Variants in MSRB3 observed in about 807,000 individuals in gnomAD.
MSRB3 encodes methionine sulfoxide reductase B3.
A neutral mutation model predicts 21.0 loss-of-function variants in MSRB3; 13 were observed. That is an observed-to-expected ratio of 0.62 (90% confidence interval 0.40 to 0.98). The LOEUF is 0.98. Among genes scored for constraint, MSRB3 ranks in the 50% least tolerant of loss-of-function variants. MSRB3 has a pLI of 0.00. For missense variants in MSRB3, 199 were observed against 230.3 expected (o/e 0.86, Z 0.88); for synonymous variants, 87 against 88.6 (o/e 0.98, Z 0.10).
At chr12:65,317,215 C>T (rs923006518) in intron 2 of MSRB3, among the ~76,000 whole-genome samples, 74 of 152,106 alleles carry the variant, frequency 4.9e-4, no homozygotes, top group African/African-American at 1.7e-3. Context: ...TACTAACTTT[C>T]CCTTGTAAAA....
chr12:65,342,209 A>G (rs1565843020), intron 4 of MSRB3, among the ~76,000 whole-genome samples: 1 of 152,024 alleles, frequency 6.6e-6, no homozygotes, highest in East Asian at 1.9e-4. Flanking sequence ...ATTATTAAAA[A>G]AAAAACCAAC....
chr12:65,451,311 G>T (rs1264402205), intron 5 of MSRB3, among the ~76,000 whole-genome samples: 2 of 151,692 alleles, frequency 1.3e-5, no homozygotes, highest in African/African-American at 4.8e-5. Context: ...ATAATGCCAT[G>T]GTAAACAACA....
intron 5 of MSRB3, among the ~76,000 whole-genome samples, chr12:65,425,218 A>T (rs532231526): frequency 1.7e-3 from 251 of 150,094 alleles, no homozygotes; most frequent in African/African-American, 5.7e-3. Context: ...ATCTTTTTCC[A>T]TGCTTTTATT....
At chr12:65,348,844 A>G (rs368650091) in intron 4 of MSRB3, among the ~76,000 whole-genome samples, 1 of 152,026 alleles carries the variant, frequency 6.6e-6, no homozygotes, top group South Asian at 2.1e-4. Context: ...TTCGTTATGT[A>G]CCCAGTAGTC....
chr12:65,372,525 A>G (rs1226616760), intron 5 of MSRB3, among the ~76,000 whole-genome samples: 1 of 152,222 alleles, frequency 6.6e-6, no homozygotes. Flanking sequence ...TGATGTACTA[A>G]TGTTGGCTTG....
At chr12:65,437,958 T>C (rs1882195320) in intron 5 of MSRB3, among the ~76,000 whole-genome samples, 1 of 151,874 alleles carries the variant, frequency 6.6e-6, no homozygotes. Flanking sequence ...TGTGTGACCA[T>C]GAGGGGGATA....
intron 2 of MSRB3, among the ~76,000 whole-genome samples, chr12:65,312,989 A>T (rs1874073400): frequency 6.6e-6 from 1 of 152,120 alleles, no homozygotes; most frequent in Non-Finnish European, 1.5e-5. Flanking sequence ...GCATTAATAC[A>T]ATACAGGGGA....
chr12:65,358,534 C>T (rs1047931378), intron 4 of MSRB3, among the ~76,000 whole-genome samples: 4 of 152,000 alleles, frequency 2.6e-5, no homozygotes, highest in Middle Eastern at 3.4e-3. Context: ...GTATTCCCAT[C>T]AATGTGGGGT....
intron 6 of MSRB3, among the ~76,000 whole-genome samples, chr12:65,455,526 T>C (rs1414241365): frequency 6.6e-6 from 1 of 152,168 alleles, no homozygotes; most frequent in African/African-American, 2.4e-5. Flanking sequence ...CTTTTTTCTC[T>C]CTGTTATTTT....
chr12:65,376,393 G>A (rs1878625990), intron 5 of MSRB3, among the ~76,000 whole-genome samples: 1 of 151,964 alleles, frequency 6.6e-6, no homozygotes, highest in Non-Finnish European at 1.5e-5. Context: ...TGCTGGGATT[G>A]TCATTTTTTA....
chr12:65,331,293 A>T (rs961678696), intron 4 of MSRB3, among the ~76,000 whole-genome samples: 1 of 152,182 alleles, frequency 6.6e-6, no homozygotes, highest in African/African-American at 2.4e-5. Flanking sequence ...TTGTGGTAAT[A>T]AGGGATTGGG....
chr12:65,352,933 A>T (rs1321587638), intron 4 of MSRB3, among the ~76,000 whole-genome samples: 1 of 151,940 alleles, frequency 6.6e-6, no homozygotes, highest in Non-Finnish European at 1.5e-5. Flanking sequence ...AAAGCTACCA[A>T]TGACTTTCTT....
chr12:65,347,503 T>C (rs1054062691), intron 4 of MSRB3, among the ~76,000 whole-genome samples: 11 of 152,312 alleles, frequency 7.2e-5, no homozygotes, highest in African/African-American at 2.6e-4. Context: ...GATGGGGTTT[T>C]CTAGATATAC....
chr12:65,422,470 G>A (rs1881376978), intron 5 of MSRB3, among the ~76,000 whole-genome samples: 1 of 137,364 alleles, frequency 7.3e-6, no homozygotes, highest in Admixed American at 7.7e-5. Context: ...ATATTTTTAT[G>A]TAGGCATACA....
At chr12:65,432,071 T>C (rs1881902201) in intron 5 of MSRB3, among the ~76,000 whole-genome samples, 1 of 152,064 alleles carries the variant, frequency 6.6e-6, no homozygotes, top group Non-Finnish European at 1.5e-5. Flanking sequence ...ATTATTTGTA[T>C]TATGGCTCCT....
chr12:65,311,522 C>G (rs1873985471), intron 2 of MSRB3, among the ~76,000 whole-genome samples: 1 of 151,786 alleles, frequency 6.6e-6, no homozygotes, highest in African/African-American at 2.4e-5. Context: ...TTAACTTCAA[C>G]AGTAATGAAA....
intron 5 of MSRB3, among the ~76,000 whole-genome samples, chr12:65,434,101 G>T (rs375440446): frequency 6.6e-6 from 1 of 151,854 alleles, no homozygotes; most frequent in Admixed American, 6.6e-5. Context: ...TATGGGGTCC[G>T]TCCTTTCTCC....
intron 2 of MSRB3, among the ~76,000 whole-genome samples, chr12:65,311,908 A>T (rs1874011292): frequency 6.6e-6 from 1 of 152,036 alleles, no homozygotes; most frequent in African/African-American, 2.4e-5. Flanking sequence ...TTTACGTCTT[A>T]TTTTTTTAAT....
At chr12:65,455,137 C>A (rs899406882) in intron 6 of MSRB3, among the ~76,000 whole-genome samples, 2 of 151,928 alleles carry the variant, frequency 1.3e-5, no homozygotes, top group African/African-American at 2.4e-5. Flanking sequence ...TTTTCTTTAA[C>A]CCCCTCCACC....
Sources: allele counts gnomAD v4.1 joint callset (sites outside exome capture counted in the v4.1 genomes callset), GRCh38; gene constraint gnomAD v4.1.1; transcripts MANE v1.5; gene names NCBI Gene and HGNC (gene_info 2026-07-23, HGNC 2026-07-21).